The following PARN variants were observed in gnomAD, a reference collection of about 807,000 sequenced individuals.
PARN encodes the protein poly(A)-specific ribonuclease.
A neutral mutation model predicts 102.8 loss-of-function variants in PARN; 71 were observed. That is an observed-to-expected ratio of 0.69 (90% CI 0.57 to 0.84). The LOEUF is 0.84. PARN is among the 40% of genes least tolerant of loss of function. The pLI is 0.00. For synonymous variants in PARN, 261 were observed against 252.9 expected (o/e 1.03, Z -0.30); for missense variants, 782 against 760.9 (o/e 1.03, Z -0.33).
chr16:14,482,531 C>A, intron 22 of PARN, 107 bp downstream of exon 22: 1 of 822,986 alleles, frequency 1.2e-6, no homozygotes, highest in South Asian at 1.9e-5. Context: ...AGTTGAAAGG[C>A]CATCTTTCCC....
At chr16:14,448,303 G>A (rs537723910) in intron 22 of PARN, among the ~76,000 whole-genome samples, 9 of 152,218 alleles carry the variant, frequency 5.9e-5, no homozygotes, top group Admixed American at 4.6e-4. Flanking sequence ...CATGCACCAC[G>A]AAGTCTGGCT....
chr16:14,611,882 G>T (rs1193590534), intron 6 of PARN, among the ~76,000 whole-genome samples: 1 of 152,102 alleles, frequency 6.6e-6, no homozygotes, highest in East Asian at 1.9e-4. Flanking sequence ...AATGTTTTAG[G>T]CTTGTGGGCA....
At chr16:14,483,962 C>G (rs1963521116) in intron 21 of PARN, among the ~76,000 whole-genome samples, 1 of 152,082 alleles carries the variant, frequency 6.6e-6, no homozygotes, top group Non-Finnish European at 1.5e-5. Flanking sequence ...TACACTGCAC[C>G]CAGTGTGCAG....
At chr16:14,544,952 T>A (rs1049293131) in intron 21 of PARN, among the ~76,000 whole-genome samples, 1 of 152,070 alleles carries the variant, frequency 6.6e-6, no homozygotes, top group Non-Finnish European at 1.5e-5. Context: ...TTTGGGAGGC[T>A]GAGGTGGGAG....
At chr16:14,548,475 A>T (rs1967096171) in intron 21 of PARN, among the ~76,000 whole-genome samples, 1 of 152,232 alleles carries the variant, frequency 6.6e-6, no homozygotes, top group African/African-American at 2.4e-5. Context: ...AATTCAATAA[A>T]TATTCAACAT....
intron 22 of PARN, among the ~76,000 whole-genome samples, chr16:14,456,184 T>A (rs1457380743): frequency 6.6e-6 from 1 of 151,594 alleles, no homozygotes; most frequent in Non-Finnish European, 1.5e-5. Context: ...TTTTTTTTTT[T>A]AAACTGATGG....
rs542434748 is a variant in PARN at position 14,579,847 on chromosome 16, A to G, written c.1262+1027T>C. 2.6e-4 allele frequency among the ~76,000 whole-genome samples: 39 copies of G among 152,156 alleles called. 1 individual carries two copies. The East Asian group carries it at 6.2e-3, about 24-fold the overall frequency. ...AAAGATTAGCCAGGTGTGGTGGTACATGCCTGTAGTTCCAGCTACTCCATA... is the reference window on the plus strand; with the variant it reads ...AAAGATTAGCCAGGTGTGGTGGTACGTGCCTGTAGTTCCAGCTACTCCATA... On this transcript the variant is annotated intron_variant, in intron 18 of 23. Coordinates refer to ENST00000437198, the MANE Select transcript of PARN (RefSeq NM_002582.4).
At chr16:14,567,840 A>G (rs1968522137) in intron 18 of PARN, among the ~76,000 whole-genome samples, 1 of 152,260 alleles carries the variant, frequency 6.6e-6, no homozygotes, top group African/African-American at 2.4e-5. Flanking sequence ...AAATTAGTGC[A>G]AATAACACAC....
In PARN at chr16:14,555,695, C is replaced by T. The variant is rs1267290979; in HGVS notation, c.1277G>A (p.Arg426Lys). ...EPFFNKLFLM[R>K]VMDIPYLNLE... is the part of the protein sequence containing the mutation. ...GTTTAGATAGGGGATATCCATGACC[C>T]TCATAAGAAATAACCTACAAGAAGA... The change falls in exon 19 of 24, where the codon AGG becomes AAG. Residue 426 changes from arginine (R) to lysine (K), a missense_variant. Transcript: ENST00000437198. 2.0e-6 allele frequency: 3 copies of T among 1,482,798 alleles called. No homozygotes were observed. The highest frequency in any genetic ancestry group is 2.7e-6 in the Non-Finnish European group (3 of 1,092,824). 91.9% of individuals were successfully genotyped at this position (1,482,798 alleles called of 1,614,324 possible). A position where few individuals can be genotyped will look rare whatever the true frequency, so the allele number is the denominator to read the frequency against.
intron 13 of PARN, among the ~76,000 whole-genome samples, chr16:14,586,721 C>T (rs1051671124): frequency 3.9e-5 from 6 of 152,096 alleles, no homozygotes; most frequent in Non-Finnish European, 7.4e-5. Context: ...TAACAGGCTG[C>T]GATCTACCAC....
rs540828835 is a variant in PARN, at chr16:14,613,081, G to A, written c.389-2272C>T. On this transcript the variant is annotated intron_variant, in intron 6 of 23. Transcript: ENST00000437198. ...TCCCAGAACTTTGGGAGGCCAAGGC[G>A]GGCAGATCACCTGAGGTCGTGAGTT... Among the ~76,000 whole-genome samples, 9 of 151,894 alleles carry A rather than the reference G, an allele frequency of 5.9e-5. 1 individual carries two copies. The highest frequency in any genetic ancestry group is 5.2e-4 in the Admixed American group (8 of 15,288).
chr16:14,589,072 C>T (rs930362847), intron 13 of PARN, among the ~76,000 whole-genome samples: 2 of 150,934 alleles, frequency 1.3e-5, no homozygotes, highest in South Asian at 2.1e-4. Flanking sequence ...CCCAGCTACT[C>T]GGGAGGCTAA....
At chr16:14,592,764 G>A (rs1230856621) in intron 13 of PARN, among the ~76,000 whole-genome samples, 1 of 152,242 alleles carries the variant, frequency 6.6e-6, no homozygotes, top group Non-Finnish European at 1.5e-5. Context: ...AGCACTAAAT[G>A]AGCAAACCAC....
rs941763212 is a variant in PARN, at chr16:14,482,494, C to G, written c.1670+144G>C. Reference sequence around the variant, plus strand: ...TCTCTAAAATACAGGAAATTCAGGTCATAGTCACTTCTGATATGATGTGAA... The same window carrying G: ...TCTCTAAAATACAGGAAATTCAGGTGATAGTCACTTCTGATATGATGTGAA... On this transcript the variant is annotated intron_variant, in intron 22 of 23. Coordinates refer to ENST00000437198, the MANE Select transcript of PARN (RefSeq NM_002582.4). The G allele has an allele frequency of 6.9e-6, 4 of 577,682 alleles. No homozygotes were observed. In the African/African-American group the frequency reaches 7.7e-5, roughly 11 times the overall value. The allele number at this position is 577,682 out of a possible 1,614,324, so 35.8% of individuals were successfully genotyped here. A position where few individuals can be genotyped will look rare whatever the true frequency, so the allele number is the denominator to read the frequency against.
chr16:14,525,712 C>T (rs962597743), intron 21 of PARN, among the ~76,000 whole-genome samples: 3 of 152,166 alleles, frequency 2.0e-5, no homozygotes, highest in Non-Finnish European at 4.4e-5. Context: ...AAAAGCAACA[C>T]TCTCCTTAAT....
chr16:14,609,165 G>T, intron 7 of PARN, 42 bp from the exon 8 acceptor site: 2 of 931,522 alleles, frequency 2.1e-6, no homozygotes, highest in Non-Finnish European at 3.3e-6. Context: ...TACCTTTAAG[G>T]AATGAAGTCA....
intron 21 of PARN, among the ~76,000 whole-genome samples, chr16:14,506,769 C>A (rs1964914098): frequency 6.6e-6 from 1 of 151,710 alleles, no homozygotes; most frequent in Admixed American, 6.6e-5. Flanking sequence ...GGCAGGAGGA[C>A]TGCCTGAGCC....
intron 22 of PARN, among the ~76,000 whole-genome samples, chr16:14,455,463 C>T (rs1037253499): frequency 6.6e-6 from 1 of 152,080 alleles, no homozygotes; most frequent in Non-Finnish European, 1.5e-5. Context: ...TACAAAGAAC[C>T]GTAGCCTACA....
At chr16:14,575,636 C>T (rs1366283453) in intron 18 of PARN, among the ~76,000 whole-genome samples, 3 of 152,042 alleles carry the variant, frequency 2.0e-5, no homozygotes, top group Non-Finnish European at 4.4e-5. Flanking sequence ...GGCTCATAGG[C>T]GGAAGGGAGA....
Sources: allele counts gnomAD v4.1 joint callset (sites outside exome capture counted in the v4.1 genomes callset), GRCh38; gene constraint gnomAD v4.1.1; transcripts MANE v1.5; gene names NCBI Gene and HGNC (gene_info 2026-07-23, HGNC 2026-07-21).